ARHGAP42: variants seen among roughly 807,000 people sequenced by gnomAD.
The protein encoded by ARHGAP42 is rho GTPase-activating protein 42.
A neutral mutation model predicts 125.0 loss-of-function variants in ARHGAP42; 63 were observed. That is an observed-to-expected ratio of 0.50 (90% confidence interval 0.41 to 0.62). The LOEUF (loss-of-function observed/expected upper bound fraction) is 0.62. Ranked by LOEUF, ARHGAP42 falls within the 20% of genes least tolerant of loss-of-function variation. The probability of loss-of-function intolerance (pLI) is 0.00; values close to 1 mark genes in which losing one functional copy is unlikely to be tolerated. For synonymous variants in ARHGAP42, 339 were observed against 351.0 expected (o/e 0.97, Z 0.38); for missense variants, 766 against 1,024.2 (o/e 0.75, Z 3.44).
chr11:100,722,717 A>G (rs1470203207), intron 1 of ARHGAP42, among the ~76,000 whole-genome samples: 2 of 152,150 alleles, frequency 1.3e-5, no homozygotes, highest in Non-Finnish European at 2.9e-5. Context: ...TTTACGTCAT[A>G]TGTTTTGCAA....
intron 16 of ARHGAP42, among the ~76,000 whole-genome samples, chr11:100,962,963 C>A (rs1857993788): frequency 6.6e-6 from 1 of 152,162 alleles, no homozygotes; most frequent in Admixed American, 6.5e-5. Flanking sequence ...GCAGAATTAA[C>A]TGAAATATTT....
chr11:100,699,890 G>A (rs1285229916), intron 1 of ARHGAP42, among the ~76,000 whole-genome samples: 1 of 152,064 alleles, frequency 6.6e-6, no homozygotes, highest in African/African-American at 2.4e-5. Flanking sequence ...CTCTGTCTGA[G>A]TTCTCTATGG....
At chr11:100,913,849 C>T (rs887410551) in intron 5 of ARHGAP42, among the ~76,000 whole-genome samples, 1 of 152,142 alleles carries the variant, frequency 6.6e-6, no homozygotes, top group African/African-American at 2.4e-5. Flanking sequence ...TGGCCTTCAG[C>T]TTAAAGTTAA....
At chr11:100,811,746 T>A (rs1458567504) in intron 3 of ARHGAP42, among the ~76,000 whole-genome samples, 1 of 151,948 alleles carries the variant, frequency 6.6e-6, no homozygotes, top group Admixed American at 6.6e-5. Context: ...GTGATCCGCC[T>A]GCCTCGGCCT....
intron 1 of ARHGAP42, among the ~76,000 whole-genome samples, chr11:100,728,632 A>G (rs980500987): frequency 6.7e-6 from 1 of 149,936 alleles, no homozygotes; most frequent in Admixed American, 6.7e-5. Flanking sequence ...GTAGAAAACT[A>G]TCTTTAACAT....
chr11:100,940,323 TAG>T (rs2135270736), intron 8 of ARHGAP42, among the ~76,000 whole-genome samples: 1 of 152,292 alleles, frequency 6.6e-6, no homozygotes, highest in South Asian at 2.1e-4. Context: ...ATGTGCATAG[TAG>T]CTGCTAGAAA....
intron 3 of ARHGAP42, among the ~76,000 whole-genome samples, chr11:100,828,467 T>A (rs1864579913): frequency 6.6e-6 from 1 of 152,058 alleles, no homozygotes; most frequent in African/African-American, 2.4e-5. Context: ...TAGGCTTCTG[T>A]GAAATAGTAA....
Position 100,722,295 on chromosome 11 carries a change from GT to G in ARHGAP42, c.154+34468del, listed in dbSNP as rs1287095045. Among the ~76,000 whole-genome samples the G allele has an allele frequency of 2.0e-5, 3 of 150,754 alleles. No homozygotes were observed. In the East Asian group the frequency reaches 5.8e-4, roughly 29 times the overall value. ...TTGCCTTTTTTATATCTGGGTTGTTGTTTTTCTTATTCTTGAATGTTACTAG... is the reference window on the plus strand; with the variant it reads ...TTGCCTTTTTTATATCTGGGTTGTTGTTTTCTTATTCTTGAATGTTACTAG... On this transcript the variant is annotated intron_variant, in intron 1 of 23. Coordinates refer to ENST00000298815, the MANE Select transcript of ARHGAP42 (RefSeq NM_152432.4).
intron 5 of ARHGAP42, among the ~76,000 whole-genome samples, chr11:100,921,243 ATATTTTTTTTTTTTTTTTTTT>A (rs1867257300): frequency 4.1e-5 from 1 of 24,314 alleles, no homozygotes; most frequent in East Asian, 1.3e-3. Flanking sequence ...ATATATATAT[ATATTTTTTTTTTTTTTTTTTT>A]TTTTTTTTTA....
intron 4 of ARHGAP42, among the ~76,000 whole-genome samples, chr11:100,895,276 G>A (rs1021974974): frequency 3.2e-4 from 48 of 152,112 alleles, no homozygotes; most frequent in African/African-American, 1.0e-3. Flanking sequence ...GAAGTAAAAC[G>A]TGTTAGCTCA....
At chr11:100,857,652 C>T (rs1291910569) in intron 3 of ARHGAP42, among the ~76,000 whole-genome samples, 2 of 152,104 alleles carry the variant, frequency 1.3e-5, no homozygotes, top group African/African-American at 2.4e-5. Context: ...ATACTCCCTA[C>T]CTCATTTGCC....
chr11:100,714,210 T>C (rs890498908), intron 1 of ARHGAP42, among the ~76,000 whole-genome samples: 1 of 152,226 alleles, frequency 6.6e-6, no homozygotes, highest in African/African-American at 2.4e-5. Flanking sequence ...TATGAAATGA[T>C]TTGTTTAAAG....
chr11:100,751,540 G>C (rs1028130866), intron 1 of ARHGAP42, among the ~76,000 whole-genome samples: 1 of 151,694 alleles, frequency 6.6e-6, no homozygotes, highest in African/African-American at 2.4e-5. Context: ...GGTGTTCCTG[G>C]GTAGAAACCT....
Position 100,693,633 on chromosome 11 carries a change from T to C in ARHGAP42, c.154+5801T>C, listed in dbSNP as rs975101744. On this transcript the variant is annotated intron_variant, in intron 1 of 23. Transcript: ENST00000298815. ...GCCCATTGTAATTAAAGGCCTCTCC[T>C]GGGTTCGGTCAGAGAATGGGTTGCT... Among the ~76,000 whole-genome samples, 9 of 152,184 alleles carry C rather than the reference T, an allele frequency of 5.9e-5. 1 individual carries two copies. The highest frequency in any genetic ancestry group is 6.3e-3 in the Middle Eastern group (2 of 316).
At chr11:100,774,283 T>TA (rs571541044) in intron 2 of ARHGAP42, among the ~76,000 whole-genome samples, 185 of 152,272 alleles carry the variant, frequency 1.2e-3, no homozygotes, top group African/African-American at 4.3e-3. Context: ...GGGTGGAGCA[T>TA]AAGGATCACG....
At chr11:100,891,939 A>C (rs540573566) in intron 4 of ARHGAP42, among the ~76,000 whole-genome samples, 1 of 152,278 alleles carries the variant, frequency 6.6e-6, no homozygotes, top group African/African-American at 2.4e-5. Context: ...CTAGCAGGGG[A>C]AAGGAGGGCT....
intron 1 of ARHGAP42, among the ~76,000 whole-genome samples, chr11:100,767,878 G>A: frequency 6.6e-6 from 1 of 152,136 alleles, no homozygotes. Context: ...AAACGAAACT[G>A]TCTAATATAT....
Position 100,965,753 on chromosome 11 carries a change from C to T in ARHGAP42, c.1527C>T (p.Asp509=), listed in dbSNP as rs1237194976. ...CGGAGAAAAACAGAGAGATGCTGGA[C>T]ATCTTAATAAAGCATCTGGTCAAGT... ...KLPEKNREML[D]ILIKHLVKVS... is the part of the protein sequence containing the mutation. Residue 509 remains aspartate, a synonymous_variant, in exon 17 of 24, where the codon GAC becomes GAT. Transcript: ENST00000298815. The T allele has an allele frequency of 1.3e-6, 2 of 1,550,886 alleles. No homozygotes were observed. Among genetic ancestry groups the T allele is most frequent in the African/African-American group, 2.7e-5 (2 of 73,008 alleles).
At chr11:100,966,349 TA>T (rs1287810775) in intron 17 of ARHGAP42, among the ~76,000 whole-genome samples, 2 of 152,238 alleles carry the variant, frequency 1.3e-5, no homozygotes, top group East Asian at 1.9e-4. Context: ...AATATATATA[TA>T]AAGAGATAGA....
Sources: allele counts gnomAD v4.1 joint callset (sites outside exome capture counted in the v4.1 genomes callset), GRCh38; gene constraint gnomAD v4.1.1; transcripts MANE v1.5; gene names NCBI Gene and HGNC (gene_info 2026-07-23, HGNC 2026-07-21).